Variants in SGCZ observed in about 807,000 individuals in gnomAD.
SGCZ encodes the protein zeta-sarcoglycan.
SGCZ carries 40 observed loss-of-function variants against 41.3 expected under a neutral mutation model. The observed-to-expected ratio is 0.97, with a 90% CI of 0.75 to 1.26. SGCZ has a LOEUF of 1.26. Ranked by LOEUF, SGCZ falls within the 50% of genes most tolerant of loss-of-function variation. The pLI, the probability that SGCZ is intolerant of heterozygous loss-of-function variation, is 0.00. For missense variants in SGCZ, 552 were observed against 369.8 expected (o/e 1.49, Z -4.04); for synonymous variants, 206 against 137.5 (o/e 1.50, Z -3.49).
chr8:14,206,418 G>A (rs1347806512), intron 4 of SGCZ, among the ~76,000 whole-genome samples: 3 of 152,080 alleles, frequency 2.0e-5, no homozygotes, highest in African/African-American at 7.2e-5. Context: ...ACACACAATG[G>A]AGTACACACA....
chr8:14,223,679 C>A (rs1025730057), intron 4 of SGCZ, among the ~76,000 whole-genome samples: 1 of 152,086 alleles, frequency 6.6e-6, no homozygotes, highest in Non-Finnish European at 1.5e-5. Flanking sequence ...GCAGCATTCT[C>A]ATGAATGCCA....
At chr8:14,552,524 C>T (rs757052149) in intron 2 of SGCZ, among the ~76,000 whole-genome samples, 38 of 151,860 alleles carry the variant, frequency 2.5e-4, no homozygotes, top group African/African-American at 8.0e-4. Context: ...CAAAGGAAAA[C>T]GTAAAAAAAT....
intron 1 of SGCZ, among the ~76,000 whole-genome samples, chr8:15,219,118 TTGAG>T (rs1330005253): frequency 6.6e-6 from 1 of 152,194 alleles, no homozygotes; most frequent in African/African-American, 2.4e-5. Context: ...TAACTACATA[TTGAG>T]TACTTTTTTA....
At chr8:14,309,694 T>A (rs1285642636) in intron 3 of SGCZ, 16 of 1,609,774 alleles carry the variant, frequency 9.9e-6, no homozygotes, top group Non-Finnish European at 1.4e-5. Context: ...TTCTGAGTAT[T>A]CTCACAGGAG....
intron 1 of SGCZ, among the ~76,000 whole-genome samples, chr8:15,094,560 T>C (rs960859053): frequency 6.6e-6 from 1 of 152,168 alleles, no homozygotes; most frequent in Non-Finnish European, 1.5e-5. Flanking sequence ...ACTAAAGTCC[T>C]GAGTTAAAGG....
chr8:14,818,123 C>A (rs111247493), intron 1 of SGCZ, among the ~76,000 whole-genome samples: 10 of 152,292 alleles, frequency 6.6e-5, no homozygotes, highest in African/African-American at 2.2e-4. Flanking sequence ...GTGACCCCAA[C>A]TCCCTGGAGA....
At chr8:14,551,473 T>TTATATATAATA (rs1433818053) in intron 2 of SGCZ, among the ~76,000 whole-genome samples, 1 of 11,532 alleles carries the variant, frequency 8.7e-5, no homozygotes, top group African/African-American at 3.1e-4. Context: ...ATTATATATA[T>TTATATATAATA]TATATATTAT....
chr8:14,481,875 G>C (rs7001186), intron 2 of SGCZ, among the ~76,000 whole-genome samples: 36,559 of 152,034 alleles, frequency 0.24, 5,374 homozygotes, highest in Non-Finnish European at 0.33. Context: ...TCAAACATTG[G>C]ACAATTGGCT....
At chr8:14,724,682 C>G (rs1311708816) in intron 1 of SGCZ, among the ~76,000 whole-genome samples, 1 of 89,826 alleles carries the variant, frequency 1.1e-5, no homozygotes, top group Non-Finnish European at 2.3e-5. Context: ...AGAGTTATCA[C>G]TAAGTGATAT....
chr8:14,720,680 ACTT>A (rs1221548532), intron 1 of SGCZ, among the ~76,000 whole-genome samples: 2 of 151,990 alleles, frequency 1.3e-5, no homozygotes, highest in East Asian at 3.9e-4. Flanking sequence ...AATATTGTCT[ACTT>A]CTGCTTCCTC....
rs184057999 is a variant in SGCZ at position 14,201,711 on chromosome 8, A to G, written c.424+35881T>C. 1.9e-4 allele frequency among the ~76,000 whole-genome samples: 29 copies of G among 152,286 alleles called. No individual in the cohort carries two copies. In the East Asian group the frequency reaches 4.4e-3, roughly 23 times the overall value. ...TGATTGTGGTTGTAGTTATTTGACT[A>G]TATGCACCTGTCAAAGCTCACAAAG... On this transcript the variant is annotated intron_variant, in intron 4 of 7. Transcript: ENST00000382080.
intron 1 of SGCZ, among the ~76,000 whole-genome samples, chr8:14,992,567 C>G (rs533899880): frequency 6.6e-6 from 1 of 151,548 alleles, no homozygotes; most frequent in Non-Finnish European, 1.5e-5. Flanking sequence ...ATATTTACCC[C>G]TCACCCATCC....
intron 1 of SGCZ, among the ~76,000 whole-genome samples, chr8:15,017,398 G>A (rs919623775): frequency 6.6e-6 from 1 of 152,192 alleles, no homozygotes; most frequent in African/African-American, 2.4e-5. Flanking sequence ...CCTTGGTTGA[G>A]CTTTCTCAGC....
At chr8:14,997,974 A>G (rs1478518428) in intron 1 of SGCZ, among the ~76,000 whole-genome samples, 1 of 152,136 alleles carries the variant, frequency 6.6e-6, no homozygotes, top group Non-Finnish European at 1.5e-5. Flanking sequence ...GGAAAAAAAA[A>G]AATCCTAGTC....
At chr8:14,443,533 C>A in intron 2 of SGCZ, among the ~76,000 whole-genome samples, 1 of 152,102 alleles carries the variant, frequency 6.6e-6, no homozygotes. Flanking sequence ...TGATCTTTGA[C>A]AAACCTGAGA....
intron 1 of SGCZ, among the ~76,000 whole-genome samples, chr8:14,990,252 G>C (rs969854599): frequency 1.3e-5 from 2 of 152,126 alleles, no homozygotes; most frequent in East Asian, 3.9e-4. Flanking sequence ...TTTAGAGTAA[G>C]AGGCAACATA....
chr8:14,279,068 C>G (rs941147924), intron 3 of SGCZ, among the ~76,000 whole-genome samples: 1 of 152,038 alleles, frequency 6.6e-6, no homozygotes, highest in Non-Finnish European at 1.5e-5. Flanking sequence ...TGTGCCACTT[C>G]TCTTACTATA....
chr8:14,441,266 C>T lies in SGCZ; in HGVS notation c.234+113466G>A, dbSNP rs137982675. On this transcript the variant is annotated intron_variant, in intron 2 of 7. Coordinates refer to ENST00000382080, the MANE Select transcript of SGCZ (RefSeq NM_139167.4). ...TCTACCTAATTTCCAGTTGTAGGTG[C>T]TGTCTCCTTCATTTAAAACAATCAT... 3.9e-5 allele frequency among the ~76,000 whole-genome samples: 6 copies of T among 152,276 alleles called. No homozygotes were observed. In the East Asian group the frequency reaches 1.2e-3, roughly 29 times the overall value.
intron 2 of SGCZ, among the ~76,000 whole-genome samples, chr8:14,385,300 G>C (rs1008940414): frequency 2.0e-5 from 3 of 152,160 alleles, no homozygotes; most frequent in African/African-American, 7.2e-5. Flanking sequence ...GCAATTTCTA[G>C]TTGTAAGTTA....
Sources: allele counts gnomAD v4.1 joint callset (sites outside exome capture counted in the v4.1 genomes callset), GRCh38; gene constraint gnomAD v4.1.1; transcripts MANE v1.5; gene names NCBI Gene and HGNC (gene_info 2026-07-23, HGNC 2026-07-21).